The following CAMKMT variants were observed in gnomAD, a reference collection of about 807,000 sequenced individuals.
CAMKMT encodes the protein CaM KMT.
CAMKMT carries 53 observed loss-of-function variants against 48.0 expected under a neutral mutation model. The observed-to-expected ratio is 1.10, with a 90% CI of 0.89 to 1.39. CAMKMT has a LOEUF of 1.39. Among genes scored for constraint, CAMKMT ranks in the 40% most tolerant of loss-of-function variants. The pLI is 0.00. For synonymous variants in CAMKMT, 165 were observed against 152.3 expected (o/e 1.08, Z -0.61); for missense variants, 428 against 402.7 (o/e 1.06, Z -0.54).
At chr2:44,402,279 A>G (rs925311617) in intron 3 of CAMKMT, among the ~76,000 whole-genome samples, 1 of 136,208 alleles carries the variant, frequency 7.3e-6, no homozygotes, top group Non-Finnish European at 1.6e-5. Context: ...CAGTGAGCCA[A>G]TATCGCACCA....
chr2:44,516,789 T>G (rs1375746435), intron 3 of CAMKMT, among the ~76,000 whole-genome samples: 1 of 150,684 alleles, frequency 6.6e-6, no homozygotes, highest in African/African-American at 2.5e-5. Flanking sequence ...TCACCCAGGT[T>G]GGAGTACAAT....
chr2:44,488,877 G>T (rs72790023), intron 3 of CAMKMT, among the ~76,000 whole-genome samples: 192 of 149,846 alleles, frequency 1.3e-3, no homozygotes, highest in Non-Finnish European at 1.4e-3. Flanking sequence ...GTGTGTGTGT[G>T]TTTTAAGAAA....
chr2:44,557,727 T>C (rs187849371), intron 3 of CAMKMT, among the ~76,000 whole-genome samples: 1 of 152,380 alleles, frequency 6.6e-6, no homozygotes, highest in East Asian at 1.9e-4. Flanking sequence ...CATTTTCTTG[T>C]TACCGGGAGG....
At chr2:44,765,333 T>C (rs1680792640) in intron 9 of CAMKMT, among the ~76,000 whole-genome samples, 2 of 152,112 alleles carry the variant, frequency 1.3e-5, no homozygotes, top group South Asian at 4.2e-4. Context: ...AAGGAGAGGA[T>C]ATTCATATGA....
chr2:44,537,177 C>G (rs12616170), intron 3 of CAMKMT, among the ~76,000 whole-genome samples: 2 of 151,992 alleles, frequency 1.3e-5, no homozygotes, highest in African/African-American at 4.8e-5. Flanking sequence ...CAATATTAAA[C>G]TAAAAAGCCT....
intron 7 of CAMKMT, among the ~76,000 whole-genome samples, chr2:44,737,680 C>T (rs977908228): frequency 6.6e-6 from 1 of 152,080 alleles, no homozygotes; most frequent in Non-Finnish European, 1.5e-5. Context: ...TTCTCACATA[C>T]ATGCATGATC....
In CAMKMT at chr2:44,399,411, TCTC is replaced by T. The variant is rs781473742; in HGVS notation, c.376+9110_376+9112del. On this transcript the variant is annotated intron_variant, in intron 3 of 10. Transcript: ENST00000378494. ...TATGTGTGGGATGAAAACCACAAGT[TCTC>T]CTCTGCTTGTGCCTATCCTCTGAAT... is the stretch of plus-strand genomic sequence containing the variant. 1.1e-4 allele frequency among the ~76,000 whole-genome samples: 16 copies of T among 152,182 alleles called. No homozygotes were observed. The East Asian group carries it at 2.3e-3, about 22-fold the overall frequency.
At chr2:44,754,030 G>A in intron 8 of CAMKMT, 25 bp from the exon 9 acceptor site, 1 of 1,601,446 alleles carries the variant, frequency 6.2e-7, no homozygotes. Context: ...GTTTAATCTG[G>A]ATTCTGCTCT....
At chr2:44,722,537 C>T (rs1419725477) in intron 7 of CAMKMT, among the ~76,000 whole-genome samples, 1 of 151,980 alleles carries the variant, frequency 6.6e-6, no homozygotes, top group Non-Finnish European at 1.5e-5. Flanking sequence ...TACACTGCTA[C>T]CATAATTCTA....
At chr2:44,633,942 T>C (rs1461110919) in intron 3 of CAMKMT, among the ~76,000 whole-genome samples, 2 of 152,154 alleles carry the variant, frequency 1.3e-5, no homozygotes, top group African/African-American at 2.4e-5. Flanking sequence ...TTTTTGGGGT[T>C]TTTTTAAGCT....
intron 3 of CAMKMT, among the ~76,000 whole-genome samples, chr2:44,603,865 G>T (rs1189463887): frequency 6.6e-6 from 1 of 152,112 alleles, no homozygotes; most frequent in Non-Finnish European, 1.5e-5. Flanking sequence ...TATTGAGAAG[G>T]ATACAAGAGA....
chr2:44,663,665 C>G (rs1426520951), intron 3 of CAMKMT, among the ~76,000 whole-genome samples: 1 of 152,164 alleles, frequency 6.6e-6, no homozygotes, highest in Non-Finnish European at 1.5e-5. Flanking sequence ...TGCCCCAATG[C>G]CTATTCTCAT....
chr2:44,390,406 T>A (rs1420894016), intron 3 of CAMKMT, 101 bp downstream of exon 3: 7 of 794,762 alleles, frequency 8.8e-6, no homozygotes, highest in Non-Finnish European at 1.4e-5. Context: ...ACTCACTAAA[T>A]GTATGCATAT....
chr2:44,465,717 T>C (rs1459688916), intron 3 of CAMKMT, among the ~76,000 whole-genome samples: 1 of 152,158 alleles, frequency 6.6e-6, no homozygotes, highest in Admixed American at 6.5e-5. Context: ...GAATGTTTAC[T>C]TTAAACTCCT....
intron 2 of CAMKMT, among the ~76,000 whole-genome samples, chr2:44,384,618 G>A (rs1680595946): frequency 6.6e-6 from 1 of 151,180 alleles, no homozygotes; most frequent in Admixed American, 6.6e-5. Flanking sequence ...ATAGTTTCAG[G>A]TCTTAGATTT....
At chr2:44,764,585 A>G (rs1392673835) in intron 9 of CAMKMT, among the ~76,000 whole-genome samples, 4 of 152,166 alleles carry the variant, frequency 2.6e-5, no homozygotes, top group Non-Finnish European at 5.9e-5. Context: ...CAAAAGTTCT[A>G]TGATTATTTT....
At position 44,493,827 on chromosome 2, in the gene CAMKMT, G is replaced by A. The variant is rs111485957; in HGVS notation, c.376+103522G>A. ...TAATGACTAAGTGCATATTTTTGAA[G>A]GGTTTTACTTTGTTTATTTCCTTCA... On this transcript the variant is annotated intron_variant, in intron 3 of 10. Transcript: ENST00000378494. 2.2e-3 allele frequency among the ~76,000 whole-genome samples: 331 copies of A among 152,180 alleles called. No homozygotes were observed. The Middle Eastern group carries it at 0.027, about 13-fold the overall frequency.
intron 3 of CAMKMT, among the ~76,000 whole-genome samples, chr2:44,430,863 A>T (rs1684608689): frequency 6.6e-6 from 1 of 152,226 alleles, no homozygotes; most frequent in Non-Finnish European, 1.5e-5. Flanking sequence ...ACATGAGATT[A>T]GGAAAAGATA....
chr2:44,749,225 G>A (rs1342015778), intron 8 of CAMKMT, among the ~76,000 whole-genome samples: 2 of 152,128 alleles, frequency 1.3e-5, no homozygotes, highest in Admixed American at 6.5e-5. Flanking sequence ...TGACTTTTTG[G>A]AAACTTCTTA....
Sources: allele counts gnomAD v4.1 joint callset (sites outside exome capture counted in the v4.1 genomes callset), GRCh38; gene constraint gnomAD v4.1.1; transcripts MANE v1.5; gene names NCBI Gene and HGNC (gene_info 2026-07-23, HGNC 2026-07-21).